FNDC3A: variants seen among roughly 807,000 people sequenced by gnomAD.
FNDC3A encodes the protein fibronectin type III domain containing 3A.
A neutral mutation model predicts 148.9 loss-of-function variants in FNDC3A; 32 were observed. The ratio of observed to expected loss-of-function variants is 0.21; its 90% confidence interval spans 0.16 to 0.29. FNDC3A has a LOEUF of 0.29. Among genes scored for constraint, FNDC3A ranks in the 10% least tolerant of loss-of-function variants. The probability of loss-of-function intolerance (pLI) is 1.00; values close to 1 mark genes in which losing one functional copy is unlikely to be tolerated. For synonymous variants in FNDC3A, 472 were observed against 473.6 expected, an observed-to-expected ratio of 1.00 and a Z score of 0.04; for missense variants, 1,191 against 1,452.8, an observed-to-expected ratio of 0.82 and a Z score of 2.93.
intron 2 of FNDC3A, among the ~76,000 whole-genome samples, chr13:49,049,937 C>T (rs911220596): frequency 1.3e-5 from 2 of 152,132 alleles, no homozygotes; most frequent in Non-Finnish European, 2.9e-5. Flanking sequence ...CCAGGCTGGT[C>T]GTGAACTCCT....
In FNDC3A at chr13:49,148,228, A is replaced by G. The variant is rs1405701270; in HGVS notation, c.977+2293A>G. Among the ~76,000 whole-genome samples the G allele has an allele frequency of 6.6e-5, 10 of 151,624 alleles. No homozygotes were observed. In the East Asian group the frequency reaches 1.7e-3, roughly 26 times the overall value. ...TGCAAAAGTTTTAGTTTATTTCTCT[A>G]TTTTTCTTTTTTTTGTTGTTGCCTG... is the stretch of plus-strand genomic sequence containing the variant. On this transcript the variant is annotated intron_variant, in intron 8 of 25. Transcript: ENST00000492622.
chr13:49,143,951 C>G (rs1882834460), intron 7 of FNDC3A, among the ~76,000 whole-genome samples: 2 of 151,514 alleles, frequency 1.3e-5, no homozygotes, highest in African/African-American at 4.8e-5. Context: ...TCGAGACCAT[C>G]CTGGGCAACA....
intron 14 of FNDC3A, among the ~76,000 whole-genome samples, chr13:49,185,045 A>C (rs1470280733): frequency 2.0e-5 from 3 of 152,062 alleles, no homozygotes; most frequent in Non-Finnish European, 1.5e-5. Flanking sequence ...GACTTGAGCA[A>C]CTAGGTAGAT....
intron 2 of FNDC3A, among the ~76,000 whole-genome samples, chr13:49,006,663 T>C (rs188062611): frequency 6.6e-6 from 1 of 152,118 alleles, no homozygotes; most frequent in East Asian, 1.9e-4. Context: ...ACGTTGTCTT[T>C]TCCCTCCCAT....
At chr13:49,002,107 G>T (rs187477808) in intron 1 of FNDC3A, among the ~76,000 whole-genome samples, 6 of 152,246 alleles carry the variant, frequency 3.9e-5, no homozygotes, top group African/African-American at 1.4e-4. Flanking sequence ...AAATAGAAAA[G>T]AACCTACGTG....
At chr13:49,182,150 T>G (rs1346158158) in intron 14 of FNDC3A, among the ~76,000 whole-genome samples, 1 of 151,622 alleles carries the variant, frequency 6.6e-6, no homozygotes, top group African/African-American at 2.4e-5. Context: ...ACCTGGCTAT[T>G]TTTTATTTTT....
At chr13:49,164,230 G>A (rs901227521) in intron 8 of FNDC3A, among the ~76,000 whole-genome samples, 4 of 152,168 alleles carry the variant, frequency 2.6e-5, no homozygotes, top group African/African-American at 9.7e-5. Flanking sequence ...CTGCTGGTTT[G>A]TAAGTTTTCT....
At chr13:48,983,814 T>C (rs1566173002) in intron 1 of FNDC3A, among the ~76,000 whole-genome samples, 1 of 152,210 alleles carries the variant, frequency 6.6e-6, no homozygotes, top group African/African-American at 2.4e-5. Flanking sequence ...AGAAGCACTT[T>C]CATTAATAGA....
At chr13:49,118,902 G>T (rs528440537) in intron 4 of FNDC3A, among the ~76,000 whole-genome samples, 1 of 152,214 alleles carries the variant, frequency 6.6e-6, no homozygotes, top group Non-Finnish European at 1.5e-5. Flanking sequence ...CAGAGCACCT[G>T]GGGGAAGGGG....
intron 3 of FNDC3A, among the ~76,000 whole-genome samples, chr13:49,086,510 A>AT (rs1333272148): frequency 2.6e-5 from 4 of 152,194 alleles, no homozygotes; most frequent in East Asian, 1.9e-4. Context: ...TATTATAAGA[A>AT]TTTTTTATAA....
chr13:49,022,160 A>G (rs1296952806), intron 2 of FNDC3A, among the ~76,000 whole-genome samples: 1 of 152,202 alleles, frequency 6.6e-6, no homozygotes, highest in African/African-American at 2.4e-5. Context: ...GCTTTCATGC[A>G]TAGCAGGCCT....
chr13:48,987,352 C>G (rs1180653809), intron 1 of FNDC3A, among the ~76,000 whole-genome samples: 3 of 152,198 alleles, frequency 2.0e-5, no homozygotes, highest in Non-Finnish European at 2.9e-5. Context: ...GCAGTTCTTT[C>G]TCTCTTGTTT....
Position 49,086,162 on chromosome 13 carries a change from A to G in FNDC3A, c.175+10798A>G, listed in dbSNP as rs558109346. Among the ~76,000 whole-genome samples the G allele has an allele frequency of 3.1e-3, 474 of 152,332 alleles. 1 individual carries two copies. The highest frequency in any genetic ancestry group is 5.0e-3 in the Non-Finnish European group (342 of 68,030). On this transcript the variant is annotated intron_variant, in intron 3 of 25. Transcript: ENST00000492622. ...CTCCTAAAGTTCTGGGATTACAGGCATGAGCCACTGCACCCAGCCTCTCCC... is the reference window on the plus strand; with the variant it reads ...CTCCTAAAGTTCTGGGATTACAGGCGTGAGCCACTGCACCCAGCCTCTCCC...
intron 6 of FNDC3A, among the ~76,000 whole-genome samples, chr13:49,138,512 A>G (rs1882510082): frequency 6.6e-6 from 1 of 152,174 alleles, no homozygotes; most frequent in Non-Finnish European, 1.5e-5. Context: ...CTAAATATAT[A>G]TAGATATATC....
intron 2 of FNDC3A, among the ~76,000 whole-genome samples, chr13:49,069,673 T>C (rs1362387689): frequency 1.3e-5 from 2 of 152,254 alleles, no homozygotes; most frequent in Non-Finnish European, 2.9e-5. Flanking sequence ...CTAATTTACA[T>C]ACTCAATCTT....
At chr13:49,119,949 A>G (rs1408316416) in intron 4 of FNDC3A, among the ~76,000 whole-genome samples, 1 of 152,194 alleles carries the variant, frequency 6.6e-6, no homozygotes, top group Non-Finnish European at 1.5e-5. Context: ...TCCCCAACCT[A>G]GCAAGACAGG....
At chr13:48,995,394 C>A (rs559674627) in intron 1 of FNDC3A, among the ~76,000 whole-genome samples, 113 of 151,026 alleles carry the variant, frequency 7.5e-4, no homozygotes, top group African/African-American at 2.6e-3. Flanking sequence ...CTTCCAGTAT[C>A]CAAAGATATG....
rs573395308 is a variant in FNDC3A at position 49,104,375 on chromosome 13, T to A, written c.176-10280T>A. On this transcript the variant is annotated intron_variant, in intron 3 of 25. Coordinates refer to ENST00000492622, the MANE Select transcript of FNDC3A (RefSeq NM_001079673.2). ...CCATCTCTACTAAAAATACAAAAAA[T>A]TAGGCAGGCATGGTGGCGGGCGCCT... Among the ~76,000 whole-genome samples, 8 of 152,080 alleles carry A rather than the reference T, an allele frequency of 5.3e-5. No homozygotes were observed. The East Asian group carries it at 1.5e-3, about 29-fold the overall frequency.
chr13:49,015,306 G>T (rs1242519308), intron 2 of FNDC3A, among the ~76,000 whole-genome samples: 1 of 152,074 alleles, frequency 6.6e-6, no homozygotes, highest in Non-Finnish European at 1.5e-5. Flanking sequence ...CCTTGAAGAG[G>T]TCCTTCACAT....
Sources: allele counts gnomAD v4.1 joint callset (sites outside exome capture counted in the v4.1 genomes callset), GRCh38; gene constraint gnomAD v4.1.1; transcripts MANE v1.5; gene names NCBI Gene and HGNC (gene_info 2026-07-23, HGNC 2026-07-21).